The following SEMA3A variants were observed in gnomAD, a reference collection of about 807,000 sequenced individuals.
SEMA3A encodes semaphorin-3A.
In SEMA3A, 29 loss-of-function variants were observed where a neutral mutation model predicts 97.9. The ratio of observed to expected loss-of-function variants is 0.30; its 90% CI spans 0.22 to 0.40. The LOEUF is 0.40. Ranked by LOEUF, SEMA3A falls within the 10% of genes least tolerant of loss-of-function variation. The probability of loss-of-function intolerance (pLI) is 1.00; values close to 1 mark genes in which losing one functional copy is unlikely to be tolerated. For synonymous variants in SEMA3A, 321 were observed against 323.7 expected, an observed-to-expected ratio of 0.99 and a Z score of 0.09; for missense variants, 763 against 951.3, an observed-to-expected ratio of 0.80 and a Z score of 2.60.
intron 3 of SEMA3A, among the ~76,000 whole-genome samples, chr7:84,207,828 C>T (rs973017840): frequency 6.6e-6 from 1 of 151,978 alleles, no homozygotes; most frequent in Non-Finnish European, 1.5e-5. Context: ...AATTGAGCTG[C>T]AATAAAGAAA....
At chr7:83,974,071 A>G (rs1033441360) in intron 15 of SEMA3A, among the ~76,000 whole-genome samples, 3 of 152,136 alleles carry the variant, frequency 2.0e-5, no homozygotes, top group Non-Finnish European at 4.4e-5. Context: ...TACGGAAGGG[A>G]ACAGATTGGA....
chr7:84,153,227 A>G (rs1044705191), intron 1 of SEMA3A, among the ~76,000 whole-genome samples: 2 of 152,152 alleles, frequency 1.3e-5, no homozygotes, highest in African/African-American at 4.8e-5. Flanking sequence ...GGTAGTTGAA[A>G]ATGCTCTTGT....
At chr7:84,213,141 C>G (rs1405473342) in intron 3 of SEMA3A, among the ~76,000 whole-genome samples, 1 of 152,082 alleles carries the variant, frequency 6.6e-6, no homozygotes, top group African/African-American at 2.4e-5. Flanking sequence ...CCATGCCCGG[C>G]TAATGTTGTA....
chr7:84,122,831 A>G, intron 3 of SEMA3A, among the ~76,000 whole-genome samples: 1 of 152,186 alleles, frequency 6.6e-6, no homozygotes, highest in Non-Finnish European at 1.5e-5. Flanking sequence ...CATGATAGAC[A>G]TTATAATATA....
intron 1 of SEMA3A, among the ~76,000 whole-genome samples, chr7:84,413,280 A>G (rs1804326701): frequency 1.3e-5 from 2 of 152,114 alleles, no homozygotes; most frequent in South Asian, 2.1e-4. Context: ...TAAAGATTTT[A>G]TAGGGTCCAT....
Position 84,060,568 on chromosome 7 carries a change from TA to T in SEMA3A, c.454-11del. ...GCTTAAAAATATTGTCCTGTGGATTTAAAAAAGAAAGAGAAAAGGGTTTCCT... is the reference window on the plus strand; with the variant it reads ...GCTTAAAAATATTGTCCTGTGGATTTAAAAAGAAAGAGAAAAGGGTTTCCT... On this transcript the variant is annotated splice_polypyrimidine_tract_variant and intron_variant, in intron 4 of 16. Transcript: ENST00000265362. 6.5e-7 allele frequency: 1 copy of T among 1,536,660 alleles called. No individual in the cohort carries two copies. Among genetic ancestry groups the T allele is most frequent in the Non-Finnish European group, 8.7e-7 (1 of 1,146,340 alleles).
At chr7:84,050,734 T>A (rs1049603145) in intron 5 of SEMA3A, among the ~76,000 whole-genome samples, 6 of 152,242 alleles carry the variant, frequency 3.9e-5, no homozygotes, top group Non-Finnish European at 7.3e-5. Context: ...TTTGTTGATT[T>A]TGGCTTTTGT....
chr7:84,340,703 C>G (rs1802143388), intron 2 of SEMA3A, among the ~76,000 whole-genome samples: 1 of 150,230 alleles, frequency 6.7e-6, no homozygotes, highest in African/African-American at 2.5e-5. Context: ...TGGCTTGAAC[C>G]CAGGAGGCAG....
At chr7:84,373,305 T>C (rs747127051) in intron 1 of SEMA3A, among the ~76,000 whole-genome samples, 1 of 152,192 alleles carries the variant, frequency 6.6e-6, no homozygotes, top group Non-Finnish European at 1.5e-5. Context: ...AGAATCATTT[T>C]TGAAATAAGC....
chr7:84,240,048 A>G (rs1440762866), intron 3 of SEMA3A, among the ~76,000 whole-genome samples: 2 of 152,192 alleles, frequency 1.3e-5, no homozygotes, highest in African/African-American at 4.8e-5. Context: ...TTACCAATTT[A>G]TACCCAAGTG....
intron 1 of SEMA3A, among the ~76,000 whole-genome samples, chr7:84,142,747 A>T (rs1425066353): frequency 6.6e-6 from 1 of 152,210 alleles, no homozygotes; most frequent in Non-Finnish European, 1.5e-5. Context: ...CACTAGCAGT[A>T]TTTTGACAAG....
At chr7:84,208,194 T>C (rs1284297543) in intron 3 of SEMA3A, among the ~76,000 whole-genome samples, 1 of 152,154 alleles carries the variant, frequency 6.6e-6, no homozygotes, top group African/African-American at 2.4e-5. Flanking sequence ...GGCTCATGAC[T>C]GTAATCTCAG....
chr7:84,462,794 C>A (rs1805880146), intron 1 of SEMA3A, among the ~76,000 whole-genome samples: 1 of 152,100 alleles, frequency 6.6e-6, no homozygotes, highest in Admixed American at 6.6e-5. Context: ...AGAATATATA[C>A]ATAGCTATAG....
intron 1 of SEMA3A, among the ~76,000 whole-genome samples, chr7:84,372,867 G>A (rs1265596705): frequency 6.6e-6 from 1 of 152,078 alleles, no homozygotes; most frequent in Admixed American, 6.6e-5. Flanking sequence ...TGCCATATGA[G>A]TTTGCCACTC....
At chr7:84,414,866 C>A (rs533334323) in intron 1 of SEMA3A, among the ~76,000 whole-genome samples, 1 of 152,020 alleles carries the variant, frequency 6.6e-6, no homozygotes, top group Admixed American at 6.6e-5. Context: ...AGCAAAGAAC[C>A]ATTGAGACAA....
At chr7:84,182,993 G>C (rs548028924) in intron 1 of SEMA3A, among the ~76,000 whole-genome samples, 1 of 152,222 alleles carries the variant, frequency 6.6e-6, no homozygotes, top group Non-Finnish European at 1.5e-5. Context: ...GTAAAAGCTA[G>C]AGAATACACA....
At chr7:84,280,285 T>C (rs1234971367) in intron 3 of SEMA3A, among the ~76,000 whole-genome samples, 2 of 152,302 alleles carry the variant, frequency 1.3e-5, no homozygotes, top group East Asian at 3.9e-4. Context: ...CAGCATGCTT[T>C]ATATGCCTTT....
intron 3 of SEMA3A, among the ~76,000 whole-genome samples, chr7:84,119,541 G>C (rs1795538941): frequency 6.6e-6 from 1 of 152,130 alleles, no homozygotes. Flanking sequence ...TTGCACAAAT[G>C]ATTTTTATGT....
chr7:84,377,794 G>C (rs1224369309), intron 1 of SEMA3A, among the ~76,000 whole-genome samples: 1 of 152,140 alleles, frequency 6.6e-6, no homozygotes, highest in Non-Finnish European at 1.5e-5. Context: ...GTCCCAGGGA[G>C]AGGTGTCCAT....
Sources: gnomAD v4.1 joint callset for allele counts (sites outside exome capture counted in the v4.1 genomes callset) on GRCh38, gnomAD v4.1.1 for gene constraint, MANE v1.5 for transcripts, NCBI Gene and HGNC (gene_info 2026-07-23, HGNC 2026-07-21) for gene names.